PATL1: variants seen among roughly 807,000 people sequenced by gnomAD.
PATL1 encodes the protein PAT1 homolog 1, processing body mRNA decay factor.
Under a neutral mutation model 100.6 loss-of-function variants are expected in PATL1, and 32 were observed. That is an observed-to-expected ratio of 0.32 (90% CI 0.24 to 0.43). The LOEUF is 0.43. Ranked by LOEUF, PATL1 falls within the 20% of genes least tolerant of loss-of-function variation. PATL1 has a pLI of 1.00. For synonymous variants in PATL1, 332 were observed against 330.0 expected (o/e 1.01, Z -0.07); for missense variants, 747 against 949.9 (o/e 0.79, Z 2.81).
chr11:59,650,756 T>C lies in PATL1; in HGVS notation c.1582A>G (p.Lys528Glu), dbSNP rs1040653119. 2 of 1,550,096 alleles carry C rather than the reference T, an allele frequency of 1.3e-6. No individual in the cohort carries two copies. The highest frequency in any genetic ancestry group is 2.7e-5 in the African/African-American group (2 of 73,632). Residue 528 changes from lysine (K) to glutamate (E), a missense_variant and splice_region_variant, in exon 13 of 19, where the codon AAA (lysine) becomes GAA (glutamate). Physicochemically the swap from Lys to Glu is moderately conservative, Grantham distance 56. This residue lies in a region of PATL1 where 434 missense variants were observed against 596.1 expected (regional missense o/e 0.73). Coordinates refer to ENST00000300146, the MANE Select transcript of PATL1 (RefSeq NM_152716.3). ...KRRKTLVIIE[K>E]TYSLLLDVED... ...ACAGCAACAAATTCTAAACTTACTTTCTCAATTATAACAAGGGTTTTTCTC... is the reference window on the plus strand; with the variant it reads ...ACAGCAACAAATTCTAAACTTACTTCCTCAATTATAACAAGGGTTTTTCTC...
Position 59,655,500 on chromosome 11 carries a change from A to C in PATL1, c.1031+23T>G, listed in dbSNP as rs966550219. 2.0e-6 allele frequency: 3 copies of C among 1,515,888 alleles called. No homozygotes were observed. The South Asian group carries it at 3.7e-5, about 18-fold the overall frequency. 93.9% of individuals were successfully genotyped at this position (1,515,888 alleles called of 1,614,324 possible). A position where few individuals can be genotyped will look rare whatever the true frequency, so the allele number is the denominator to read the frequency against. ...AAGAGACTTGGCTGATAACTGATAA[A>C]CAGTGGCGTTGATTTTGTATACCTT... On this transcript the variant is annotated intron_variant, in intron 8 of 18. Transcript: ENST00000300146.
In PATL1 at chr11:59,657,740, G is replaced by GTAAAA; in HGVS notation, c.427-21_427-17dup. 1.3e-6 allele frequency: 2 copies of GTAAAA among 1,525,520 alleles called. No homozygotes were observed. The highest frequency in any genetic ancestry group is 1.8e-6 in the Non-Finnish European group (2 of 1,125,674). 94.5% of individuals were successfully genotyped at this position (1,525,520 alleles called of 1,614,324 possible). On this transcript the variant is annotated splice_polypyrimidine_tract_variant and intron_variant, in intron 4 of 18. Coordinates refer to ENST00000300146, the MANE Select transcript of PATL1 (RefSeq NM_152716.3). ...TAGGCATTTCCTAATTGAGGAAGTGGTAAAATAAAATAGAAATTAACTAAC... is the reference window on the plus strand; with the variant it reads ...TAGGCATTTCCTAATTGAGGAAGTGGTAAAATAAAATAAAATAGAAATTAACTAAC...
chr11:59,657,764 A>T, intron 4 of PATL1, 40 bp from the exon 5 acceptor site: 2 of 1,471,094 alleles, frequency 1.4e-6, no homozygotes, highest in Middle Eastern at 2.0e-4. Flanking sequence ...AAATTAACTA[A>T]CTTGGTATGT....
At chr11:59,657,178 A>C (rs560192427) in intron 5 of PATL1, 1 of 952,482 alleles carries the variant, frequency 1.0e-6, no homozygotes, top group Admixed American at 6.2e-5. Context: ...GATATCTTAA[A>C]GGTAAAAAGG....
In PATL1 at chr11:59,657,546, G is replaced by A. The variant is rs775698734; in HGVS notation, c.605C>T (p.Pro202Leu). Residue 202 changes from proline (P) to leucine (L), a missense_variant, in exon 5 of 19, where the codon CCC becomes CTC. Physicochemically the swap from Pro to Leu is moderately conservative, Grantham distance 98. Transcript: ENST00000300146. ...IGTPPKQMAV[P>L]SFTQQILCPK... ...GAGAGGTACCTGTTGGGTGAAGCTG[G>A]GTACAGCCATCTGTTTAGGTGGGGT... 9 of 1,605,500 alleles carry A rather than the reference G, an allele frequency of 5.6e-6. No individual in the cohort carries two copies. In the Admixed American group the frequency reaches 1.5e-4, roughly 27 times the overall value.
rs1315764256 is a variant in PATL1 at position 59,638,427 on chromosome 11, AG to A, written c.2292-17del. The A allele has an allele frequency of 1.9e-6, 3 of 1,605,558 alleles. No individual in the cohort carries two copies. The Admixed American group carries it at 5.0e-5, about 27-fold the overall frequency. Reference sequence around the variant, plus strand: ...CTGAACTAGCCTAGGAGTACAAAGGAGAGAAAGGAAAATTGTATAAATGAGT... The same window carrying A: ...CTGAACTAGCCTAGGAGTACAAAGGAAGAAAGGAAAATTGTATAAATGAGT... On this transcript the variant is annotated splice_polypyrimidine_tract_variant and intron_variant, in intron 18 of 18. Transcript: ENST00000300146.
rs1183939633 is a variant in PATL1, at chr11:59,655,594, A to G, written c.960T>C (p.Ser320=). 3.1e-6 allele frequency: 5 copies of G among 1,591,908 alleles called. No homozygotes were observed. The highest frequency in any genetic ancestry group is 1.3e-5 in the African/African-American group (1 of 74,572). The change falls in exon 8 of 19, where the codon AGT becomes AGC. Residue 320 remains serine (S), a synonymous_variant. Transcript: ENST00000300146. ...PPAPGFRAFF[S]APPSATPPPQ... ...GAGGTGGTGTAGCGGAGGGTGGAGCACTAAAGAAGGCACGGAAGCCTGGTG... is the reference window on the plus strand; with the variant it reads ...GAGGTGGTGTAGCGGAGGGTGGAGCGCTAAAGAAGGCACGGAAGCCTGGTG...
At chr11:59,640,613 G>T (rs558050738) in intron 16 of PATL1, among the ~76,000 whole-genome samples, 1 of 152,046 alleles carries the variant, frequency 6.6e-6, no homozygotes, top group Non-Finnish European at 1.5e-5. Context: ...CCAGCTACTC[G>T]GGAGGCTGAG....
rs776461678 is a variant in PATL1 at position 59,649,540 on chromosome 11, G to C, written c.1655C>G (p.Pro552Arg). Residue 552 changes from proline (P) to arginine (R), a missense_variant, in exon 14 of 19, where the codon CCT becomes CGT. Pro to Arg is a moderately radical substitution (Grantham distance 103). Around this residue, in one of 4 missense-constraint regions of PATL1, gnomAD observed 434 missense variants for 596.1 expected, o/e 0.73. Transcript: ENST00000300146. ...RYLLSLEEER[P>R]ALMDDRKHKI... ...GTGCTTTCTGTCATCCATTAGGGCAGGTCGCTCTTCTTCCAGACTTAGGAG... is the reference window on the plus strand; with the variant it reads ...GTGCTTTCTGTCATCCATTAGGGCACGTCGCTCTTCTTCCAGACTTAGGAG... The C allele has an allele frequency of 6.2e-7, 1 of 1,613,764 alleles. No individual in the cohort carries two copies. Among genetic ancestry groups the C allele is most frequent in the Admixed American group, 1.7e-5 (1 of 59,984 alleles).
chr11:59,666,879 T>C lies in PATL1; in HGVS notation c.101A>G (p.Asp34Gly). Reference sequence around the variant, plus strand: ...AACTGCACCTGACCCAAATGTATCATCATTGAATTGATCAATCTCTTCATC... The same window carrying C: ...AACTGCACCTGACCCAAATGTATCACCATTGAATTGATCAATCTCTTCATC... Reference protein sequence around the residue: ...EEDEEIDQFNDDTFGSGAVDD... With the variant: ...EEDEEIDQFNGDTFGSGAVDD... The change falls in exon 2 of 19, where the codon GAT becomes GGT. Residue 34 changes from aspartate to glycine, a missense_variant. By Grantham distance (94) the Asp-to-Gly change is moderately conservative. This residue lies in a region of PATL1 where 183 missense variants were observed against 221.2 expected (regional missense o/e 0.83). Coordinates refer to ENST00000300146, the MANE Select transcript of PATL1 (RefSeq NM_152716.3). 6.4e-7 allele frequency: 1 copy of C among 1,551,028 alleles called. No homozygotes were observed. The highest frequency in any genetic ancestry group is 8.7e-7 in the Non-Finnish European group (1 of 1,146,870).
At chr11:59,656,113 C>T in intron 6 of PATL1, 68 bp from the exon 7 acceptor site, 1 of 919,342 alleles carries the variant, frequency 1.1e-6, no homozygotes, top group East Asian at 3.0e-5. Flanking sequence ...AATAAGGAAA[C>T]TCAGCAGAAA....
chr11:59,645,868 A>G (rs1210100371), intron 15 of PATL1, among the ~76,000 whole-genome samples: 6 of 152,096 alleles, frequency 3.9e-5, no homozygotes, highest in African/African-American at 1.2e-4. Context: ...TGTACATTTC[A>G]TGATTCAGAC....
chr11:59,645,014 TCCCCATCC>T (rs1380343726), intron 15 of PATL1, among the ~76,000 whole-genome samples: 2 of 142,128 alleles, frequency 1.4e-5, no homozygotes, highest in Non-Finnish European at 3.0e-5. Flanking sequence ...ACTGTAAAGT[TCCCCATCC>T]ACTTTTTTTT....
intron 3 of PATL1, 24 bp from the exon 4 acceptor site, chr11:59,658,970 G>C (rs1271614552): frequency 4.6e-6 from 7 of 1,532,992 alleles, no homozygotes; most frequent in Non-Finnish European, 6.2e-6. Flanking sequence ...AAAACATACA[G>C]AGTCTGAAAT....
At chr11:59,649,952 T>C (rs1487025393) in intron 13 of PATL1, among the ~76,000 whole-genome samples, 1 of 151,810 alleles carries the variant, frequency 6.6e-6, no homozygotes, top group East Asian at 1.9e-4. Context: ...AGAAATCCCA[T>C]CTCTACTAAA....
Position 59,652,413 on chromosome 11 carries a change from C to T in PATL1, c.1426+51G>A, listed in dbSNP as rs921823646. 2.3e-5 allele frequency: 37 copies of T among 1,575,206 alleles called. No homozygotes were observed. In the East Asian group the frequency reaches 8.3e-4, roughly 35 times the overall value. ...ACTTGTCTATATTTAATCACATCAG[C>T]AGCTTCTCAAATTTCTTTTATTATG... On this transcript the variant is annotated intron_variant, in intron 11 of 18. Transcript: ENST00000300146.
At chr11:59,651,210 C>G (rs1474145163) in intron 12 of PATL1, among the ~76,000 whole-genome samples, 1 of 152,006 alleles carries the variant, frequency 6.6e-6, no homozygotes, top group African/African-American at 2.4e-5. Context: ...GCCTAGTGCC[C>G]CATAATTATT....
At chr11:59,650,529 C>A (rs1016718511) in intron 13 of PATL1, among the ~76,000 whole-genome samples, 12 of 152,212 alleles carry the variant, frequency 7.9e-5, no homozygotes, top group African/African-American at 2.7e-4. Flanking sequence ...AAACCCAATA[C>A]ACTTCCAACT....
At chr11:59,655,789 T>C in intron 7 of PATL1, 49 bp from the exon 8 acceptor site, 1 of 1,495,924 alleles carries the variant, frequency 6.7e-7, no homozygotes, top group Non-Finnish European at 9.1e-7. Flanking sequence ...CAAGTCCCCT[T>C]GCTTTTGTCT....
Sources: allele counts gnomAD v4.1 joint callset (sites outside exome capture counted in the v4.1 genomes callset), GRCh38; gene constraint gnomAD v4.1.1; regional missense constraint gnomAD v4.1.1; transcripts MANE v1.5; gene names NCBI Gene and HGNC (gene_info 2026-07-23, HGNC 2026-07-21).